Variants in IRX3 observed in about 807,000 individuals in gnomAD.
IRX3 encodes iroquois homeobox 3.
IRX3 carries 20 observed loss-of-function variants against 36.4 expected under a neutral mutation model. The ratio of observed to expected loss-of-function variants is 0.55; its 90% CI spans 0.39 to 0.80. The LOEUF (loss-of-function observed/expected upper bound fraction) is 0.80. IRX3 is among the 30% of genes least tolerant of loss of function. The probability of loss-of-function intolerance (pLI) is 0.00; values close to 1 mark genes in which losing one functional copy is unlikely to be tolerated. For synonymous variants in IRX3, 404 were observed against 351.6 expected (o/e 1.15, Z -1.67); for missense variants, 718 against 733.2 (o/e 0.98, Z 0.24).
Position 54,286,222 on chromosome 16 carries a change from GGCGGCGGCGA to G in IRX3, c.-182_-173del, listed in dbSNP as rs1901338022. The stretch of plus-strand genomic sequence containing the variant: ...TATTGATCTGCTCCGCGGCGGCGAC[GGCGGCGGCGA>G]GGGCGGCGGCGAGGAGCCAGGTCAG... On this transcript the variant is annotated 5_prime_UTR_variant, in exon 1 of 4. Coordinates refer to ENST00000329734, the MANE Select transcript of IRX3 (RefSeq NM_024336.3). 1.3e-5 allele frequency: 7 copies of G among 525,312 alleles called. No individual in the cohort carries two copies. In the South Asian group the frequency reaches 4.7e-4, roughly 35 times the overall value. 32.5% of individuals were successfully genotyped at this position (525,312 alleles called of 1,614,324 possible).
In IRX3 at chr16:54,283,813, C is replaced by A; in HGVS notation, c.1452-73G>T. On this transcript the variant is annotated intron_variant, in intron 3 of 3. Transcript: ENST00000329734. This position sits in a 1 kb window ranked among gnomAD's most constrained non-coding sequence, Gnocchi z 4.4. ...CAGAGGCTGCCTAGGGCGGGGAGAT[C>A]CTACTTGGATTGGGGCCGATCGTCA... is the stretch of plus-strand genomic sequence containing the variant. The A allele has an allele frequency of 6.3e-7, 1 of 1,594,244 alleles. No homozygotes were observed. The highest frequency in any genetic ancestry group is 8.5e-7 in the Non-Finnish European group (1 of 1,171,348).
Position 54,286,501 on chromosome 16 carries a change from C to T in IRX3, c.-451G>A, listed in dbSNP as rs918442154. 3.4e-6 allele frequency: 2 copies of T among 588,190 alleles called. No individual in the cohort carries two copies. Among genetic ancestry groups the T allele is most frequent in the Non-Finnish European group, 2.1e-6 (1 of 467,220 alleles). The allele number at this position is 588,190 out of a possible 1,614,324, so 36.4% of individuals were successfully genotyped here. ...CCCCTCCCCTCTCCGCACTCCTCTTCCCCCCAGGATCGCTTCCGCTGCTTC... is the reference window on the plus strand; with the variant it reads ...CCCCTCCCCTCTCCGCACTCCTCTTTCCCCCAGGATCGCTTCCGCTGCTTC... On this transcript the variant is annotated 5_prime_UTR_variant, in exon 1 of 4. Coordinates refer to ENST00000329734, the MANE Select transcript of IRX3 (RefSeq NM_024336.3).
At position 54,284,060 on chromosome 16, in the gene IRX3, T is replaced by C. The variant is rs1453106292; in HGVS notation, c.1451+186A>G. The C allele has an allele frequency of 2.4e-6, 3 of 1,242,300 alleles. No individual in the cohort carries two copies. In the South Asian group the frequency reaches 4.8e-5, roughly 20 times the overall value. 77.0% of individuals were successfully genotyped at this position (1,242,300 alleles called of 1,614,324 possible). ...CCGGCCGCGCCTGGGGTGCCTGGGC[T>C]GGACCTGGAGAGCTGTCGCAGGGCC... On this transcript the variant is annotated intron_variant, in intron 3 of 3. Coordinates refer to ENST00000329734, the MANE Select transcript of IRX3 (RefSeq NM_024336.3). The surrounding 1 kb of genome is among the most constrained non-coding windows in gnomAD (Gnocchi z 4.0).
In IRX3 at chr16:54,283,738, G is replaced by A. The variant is rs749866248; in HGVS notation, c.1454C>T (p.Pro485Leu). 6.3e-7 allele frequency: 1 copy of A among 1,594,464 alleles called. No homozygotes were observed. Among genetic ancestry groups the A allele is most frequent in the Non-Finnish European group, 8.6e-7 (1 of 1,162,428 alleles). Reference sequence around the variant, plus strand: ...CAGGGCGGCGTCCAGATGGTTCTGGGGCCTGGAAGAGAGAGACAGTAGTAG... The same window carrying A: ...CAGGGCGGCGTCCAGATGGTTCTGGAGCCTGGAAGAGAGAGACAGTAGTAG... ...KTAFQPVPRR[P>L]QNHLDAALVL... The change falls in exon 4 of 4, where the codon CCC (proline) becomes CTC (leucine). Residue 485 changes from proline (P) to leucine (L), a missense_variant and splice_region_variant. Coordinates refer to ENST00000329734, the MANE Select transcript of IRX3 (RefSeq NM_024336.3). This position sits in a 1 kb window ranked among gnomAD's most constrained non-coding sequence, Gnocchi z 4.4.
rs1237481233 is a variant in IRX3 at position 54,283,906 on chromosome 16, G to C, written c.1452-166C>G. 15 of 985,376 alleles carry C rather than the reference G, an allele frequency of 1.5e-5. No individual in the cohort carries two copies. The highest frequency in any genetic ancestry group is 1.0e-3 in the Middle Eastern group (2 of 1,914). 61.0% of individuals were successfully genotyped at this position (985,376 alleles called of 1,614,324 possible). On this transcript the variant is annotated intron_variant, in intron 3 of 3. Coordinates refer to ENST00000329734, the MANE Select transcript of IRX3 (RefSeq NM_024336.3). This position sits in a 1 kb window ranked among gnomAD's most constrained non-coding sequence, Gnocchi z 4.4. ...TGTGTTGGGGTTTAACTGTAGGGTG[G>C]GCACGAGGCGTCAGGACCCGAGGTC...
rs564058562 is a variant in IRX3, at chr16:54,284,147, C to A, written c.1451+99G>T. ...TTACAAAATGCGTCCCAGCAGGGTT[C>A]CCCCCTACCCCGGGGCAAAAGGCCG... On this transcript the variant is annotated intron_variant, in intron 3 of 3. Transcript: ENST00000329734. This position sits in a 1 kb window ranked among gnomAD's most constrained non-coding sequence, Gnocchi z 4.0. 10 of 1,257,390 alleles carry A rather than the reference C, an allele frequency of 8.0e-6. No homozygotes were observed. Among genetic ancestry groups the A allele is most frequent in the Non-Finnish European group, 1.1e-5 (10 of 896,004 alleles). The allele number at this position is 1,257,390 out of a possible 1,614,324, so 77.9% of individuals were successfully genotyped here.
Position 54,284,145 on chromosome 16 carries a change from T to A in IRX3, c.1451+101A>T. On this transcript the variant is annotated intron_variant, in intron 3 of 3. Coordinates refer to ENST00000329734, the MANE Select transcript of IRX3 (RefSeq NM_024336.3). The surrounding 1 kb of genome is among the most constrained non-coding windows in gnomAD (Gnocchi z 4.0). ...TTTTACAAAATGCGTCCCAGCAGGG[T>A]TCCCCCCTACCCCGGGGCAAAAGGC... 2 of 1,259,556 alleles carry A rather than the reference T, an allele frequency of 1.6e-6. No homozygotes were observed. The highest frequency in any genetic ancestry group is 2.7e-5 in the South Asian group (2 of 74,932). The allele number at this position is 1,259,556 out of a possible 1,614,324, so 78.0% of individuals were successfully genotyped here.
At position 54,283,449 on chromosome 16, in the gene IRX3, C is replaced by T. The variant is rs1015283337; in HGVS notation, c.*237G>A. 2.2e-6 allele frequency: 1 copy of T among 459,378 alleles called. No homozygotes were observed. Among genetic ancestry groups the T allele is most frequent in the Non-Finnish European group, 4.0e-6 (1 of 251,856 alleles). The allele number at this position is 459,378 out of a possible 1,614,324, so 28.5% of individuals were successfully genotyped here. On this transcript the variant is annotated 3_prime_UTR_variant, in exon 4 of 4. Coordinates refer to ENST00000329734, the MANE Select transcript of IRX3 (RefSeq NM_024336.3). This position sits in a 1 kb window ranked among gnomAD's most constrained non-coding sequence, Gnocchi z 4.4. ...TTATTCTCACTGAAACTCCACCCCC[C>T]AAAATCAACCGGACAAACAAACCTC...
At position 54,285,548 on chromosome 16, in the gene IRX3, C is replaced by T; in HGVS notation, c.333G>A (p.Pro111=). 2 of 1,605,048 alleles carry T rather than the reference C, an allele frequency of 1.2e-6. No homozygotes were observed. The highest frequency in any genetic ancestry group is 1.7e-6 in the Non-Finnish European group (2 of 1,175,330). Residue 111 remains proline (P), a synonymous_variant, in exon 2 of 4, where the codon CCG becomes CCA. Coordinates refer to ENST00000329734, the MANE Select transcript of IRX3 (RefSeq NM_024336.3). This position sits in a 1 kb window ranked among gnomAD's most constrained non-coding sequence, Gnocchi z 5.7. The part of the protein sequence containing the change: ...VQHPAAAAAF[P]HPHPAFYPYG... Reference sequence around the variant, plus strand: ...ACGGGTAGAAGGCGGGGTGCGGGTGCGGAAACGCGGCAGCCGCGGCCGGAT... The same window carrying T: ...ACGGGTAGAAGGCGGGGTGCGGGTGTGGAAACGCGGCAGCCGCGGCCGGAT...
At position 54,285,847 on chromosome 16, in the gene IRX3, G is replaced by GGCGGCCGCA; in HGVS notation, c.195_203dup (p.Ala68_Ala70dup). 1 of 1,551,362 alleles carries GGCGGCCGCA rather than the reference G, an allele frequency of 6.4e-7. No individual in the cohort carries two copies. On this transcript the variant is annotated inframe_insertion, in exon 1 of 4. Coordinates refer to ENST00000329734, the MANE Select transcript of IRX3 (RefSeq NM_024336.3). This position sits in a 1 kb window ranked among gnomAD's most constrained non-coding sequence, Gnocchi z 5.7. The stretch of plus-strand genomic sequence containing the variant: ...GGAAGGCGCCGTAGCCTTGGGCGGC[G>GGCGGCCGCA]GCGGCCGCAGCGGCCGCGGCGTAGG...
rs1206445896 is a variant in IRX3 at position 54,283,883 on chromosome 16, T to C, written c.1452-143A>G. 22 of 1,507,250 alleles carry C rather than the reference T, an allele frequency of 1.5e-5. No homozygotes were observed. The highest frequency in any genetic ancestry group is 1.7e-5 in the Non-Finnish European group (19 of 1,125,842). 93.4% of individuals were successfully genotyped at this position (1,507,250 alleles called of 1,614,324 possible). Reference sequence around the variant, plus strand: ...AATTATGTCCAGTTGTAGATGTGTGTGTTGGGGTTTAACTGTAGGGTGGGC... The same window carrying C: ...AATTATGTCCAGTTGTAGATGTGTGCGTTGGGGTTTAACTGTAGGGTGGGC... On this transcript the variant is annotated intron_variant, in intron 3 of 3. Transcript: ENST00000329734. This position sits in a 1 kb window ranked among gnomAD's most constrained non-coding sequence, Gnocchi z 4.4.
In IRX3 at chr16:54,284,525, A is replaced by C; in HGVS notation, c.1356T>G (p.Ala452=). The C allele has an allele frequency of 7.1e-7, 1 of 1,413,802 alleles. No individual in the cohort carries two copies. The highest frequency in any genetic ancestry group is 9.1e-7 in the Non-Finnish European group (1 of 1,094,644). The allele number at this position is 1,413,802 out of a possible 1,614,324, so 87.6% of individuals were successfully genotyped here. ...AGHPAAAAAF[A]RPAEPEGGTD... is the part of the protein sequence containing the mutation. ...TTCCGCCTTCGGGCTCCGCTGGCCG[A>C]GCGAAGGCGGCGGCGGCAGCCGGGT... The change falls in exon 2 of 4, where the codon GCT becomes GCG. Residue 452 remains alanine, a synonymous_variant. Transcript: ENST00000329734. This position sits in a 1 kb window ranked among gnomAD's most constrained non-coding sequence, Gnocchi z 4.0.
Position 54,284,361 on chromosome 16 carries a change from C to A in IRX3, c.1385-49G>T. The A allele has an allele frequency of 1.1e-5, 17 of 1,569,494 alleles. No individual in the cohort carries two copies. The highest frequency in any genetic ancestry group is 1.5e-5 in the Non-Finnish European group (17 of 1,161,406). ...AGGAGGGCCTTTAGAGCGCTCGGTG[C>A]CGGCGCCCAGGGCCGCAGAAAGCAG... On this transcript the variant is annotated intron_variant, in intron 2 of 3. Coordinates refer to ENST00000329734, the MANE Select transcript of IRX3 (RefSeq NM_024336.3). The surrounding 1 kb of genome is among the most constrained non-coding windows in gnomAD (Gnocchi z 4.0).
Position 54,285,882 on chromosome 16 carries a change from AC to A in IRX3, c.168del (p.Tyr57ThrfsTer39). 2 of 1,538,582 alleles carry A rather than the reference AC, an allele frequency of 1.3e-6. No homozygotes were observed. The highest frequency in any genetic ancestry group is 1.7e-6 in the Non-Finnish European group (2 of 1,143,694). On this transcript the variant is annotated frameshift_variant, in exon 1 of 4. Transcript: ENST00000329734. LOFTEE classifies it high-confidence loss of function. The surrounding 1 kb of genome is among the most constrained non-coding windows in gnomAD (Gnocchi z 5.7). ...GCGGCCGCGGCGTAGGGCGCCCCGT[AC>A]ACGGACGAGAGCACGTTGGACAGGG... ...SGSLSNVLSS[V>X]YGAPYAAAAA...
At position 54,283,762 on chromosome 16, in the gene IRX3, A is replaced by T; in HGVS notation, c.1452-22T>A. On this transcript the variant is annotated intron_variant, in intron 3 of 3. Coordinates refer to ENST00000329734, the MANE Select transcript of IRX3 (RefSeq NM_024336.3). The surrounding 1 kb of genome is among the most constrained non-coding windows in gnomAD (Gnocchi z 4.4). ...GGGCCTGGAAGAGAGAGACAGTAGT[A>T]GCAAAAGAGGTGAGATTCAGGAGCG... 1 of 1,611,872 alleles carries T rather than the reference A, an allele frequency of 6.2e-7. No homozygotes were observed. Among genetic ancestry groups the T allele is most frequent in the African/African-American group, 1.3e-5 (1 of 74,966 alleles).
chr16:54,286,403 T>C lies in IRX3; in HGVS notation c.-353A>G, dbSNP rs1042579001. The C allele has an allele frequency of 4.1e-6, 4 of 986,144 alleles. No individual in the cohort carries two copies. The highest frequency in any genetic ancestry group is 4.8e-6 in the Non-Finnish European group (4 of 830,584). The allele number at this position is 986,144 out of a possible 1,614,324, so 61.1% of individuals were successfully genotyped here. On this transcript the variant is annotated 5_prime_UTR_variant, in exon 1 of 4. Coordinates refer to ENST00000329734, the MANE Select transcript of IRX3 (RefSeq NM_024336.3). The stretch of plus-strand genomic sequence containing the variant: ...CGCTCCTCGCTCCTCACTGCCCTCC[T>C]CTCCCCAGCAGTGTCGCGCCTCGCT...
chr16:54,283,902 G>A lies in IRX3; in HGVS notation c.1452-162C>T. The A allele has an allele frequency of 3.0e-6, 3 of 985,372 alleles. No individual in the cohort carries two copies. Among genetic ancestry groups the A allele is most frequent in the Non-Finnish European group, 3.6e-6 (3 of 829,908 alleles). The allele number at this position is 985,372 out of a possible 1,614,324, so 61.0% of individuals were successfully genotyped here. ...TGTGTGTGTTGGGGTTTAACTGTAGGGTGGGCACGAGGCGTCAGGACCCGA... is the reference window on the plus strand; with the variant it reads ...TGTGTGTGTTGGGGTTTAACTGTAGAGTGGGCACGAGGCGTCAGGACCCGA... On this transcript the variant is annotated intron_variant, in intron 3 of 3. Transcript: ENST00000329734. This position sits in a 1 kb window ranked among gnomAD's most constrained non-coding sequence, Gnocchi z 4.4.
Position 54,286,219 on chromosome 16 carries a change from G to T in IRX3, c.-169C>A. The T allele has an allele frequency of 1.9e-6, 1 of 526,690 alleles. No individual in the cohort carries two copies. The highest frequency in any genetic ancestry group is 6.6e-5 in the South Asian group (1 of 15,040). 32.6% of individuals were successfully genotyped at this position (526,690 alleles called of 1,614,324 possible). A position where few individuals can be genotyped will look rare whatever the true frequency, so the allele number is the denominator to read the frequency against. On this transcript the variant is annotated 5_prime_UTR_variant, in exon 1 of 4. Coordinates refer to ENST00000329734, the MANE Select transcript of IRX3 (RefSeq NM_024336.3). ...GCCTATTGATCTGCTCCGCGGCGGCGACGGCGGCGGCGAGGGCGGCGGCGA... is the reference window on the plus strand; with the variant it reads ...GCCTATTGATCTGCTCCGCGGCGGCTACGGCGGCGGCGAGGGCGGCGGCGA...
Position 54,283,497 on chromosome 16 carries a change from G to A in IRX3, c.*189C>T, listed in dbSNP as rs1042899. On this transcript the variant is annotated 3_prime_UTR_variant, in exon 4 of 4. Coordinates refer to ENST00000329734, the MANE Select transcript of IRX3 (RefSeq NM_024336.3). The surrounding 1 kb of genome is among the most constrained non-coding windows in gnomAD (Gnocchi z 4.4). ...CTCACAGCGAATGCGGGGTGCCACAGAAGCGACTTGGGGAGGGCTGAGGAG... is the reference window on the plus strand; with the variant it reads ...CTCACAGCGAATGCGGGGTGCCACAAAAGCGACTTGGGGAGGGCTGAGGAG... The A allele has an allele frequency of 2.0e-6, 1 of 510,064 alleles. No individual in the cohort carries two copies. Among genetic ancestry groups the A allele is most frequent in the South Asian group, 2.3e-5 (1 of 43,048 alleles). The allele number at this position is 510,064 out of a possible 1,614,324, so 31.6% of individuals were successfully genotyped here.
Sources: gnomAD v4.1 joint callset for allele counts on GRCh38, gnomAD v4.1.1 for gene constraint, Gnocchi (gnomAD v3.1) non-coding constraint, MANE v1.5 for transcripts, NCBI Gene and HGNC (gene_info 2026-07-23, HGNC 2026-07-21) for gene names.